JAK2: variants seen among roughly 807,000 people sequenced by gnomAD.
The protein encoded by JAK2 is Janus kinase 2.
In JAK2, 86 loss-of-function variants were observed where a neutral mutation model predicts 139.3. That is an observed-to-expected ratio of 0.62 (90% confidence interval 0.52 to 0.74). The LOEUF is 0.74. Ranked by LOEUF, JAK2 falls within the 30% of genes least tolerant of loss-of-function variation. JAK2 has a pLI of 0.00. For synonymous variants in JAK2, 490 were observed against 437.7 expected (o/e 1.12, Z -1.49); for missense variants, 1,421 against 1,360.3 (o/e 1.04, Z -0.70).
At chr9:4,991,119 G>T (rs1405252369) in intron 2 of JAK2, among the ~76,000 whole-genome samples, 1 of 152,136 alleles carries the variant, frequency 6.6e-6, no homozygotes, top group East Asian at 1.9e-4. Context: ...GTTTCTAAAA[G>T]GAAGGAGAAA....
At chr9:5,045,656 G>A (rs1816956889) in intron 5 of JAK2, among the ~76,000 whole-genome samples, 1 of 152,020 alleles carries the variant, frequency 6.6e-6, no homozygotes, top group Non-Finnish European at 1.5e-5. Context: ...CATACAAATG[G>A]AGTTATATAG....
chr9:5,029,759 T>C, intron 3 of JAK2, 24 bp from the exon 4 acceptor site: 1 of 1,593,166 alleles, frequency 6.3e-7, no homozygotes, highest in East Asian at 2.2e-5. Context: ...CCTTTAATAA[T>C]TCCTTTCTCT....
intron 4 of JAK2, among the ~76,000 whole-genome samples, chr9:5,035,582 T>G (rs1353121883): frequency 1.3e-5 from 2 of 152,236 alleles, no homozygotes; most frequent in African/African-American, 4.8e-5. Context: ...GTTCAACATA[T>G]GCAAATCAAT....
chr9:5,115,591 A>G (rs140197847), intron 22 of JAK2, among the ~76,000 whole-genome samples: 25,718 of 151,908 alleles, frequency 0.17, 2,490 homozygotes, highest in Admixed American at 0.23. Context: ...AAATCATTCT[A>G]CTATAAAGAC....
rs1412849130 is a variant in JAK2, at chr9:5,129,524, A to T, written c.*2733A>T. 6.6e-6 allele frequency among the ~76,000 whole-genome samples: 1 copy of T among 152,134 alleles called. No homozygotes were observed. Among genetic ancestry groups the T allele is most frequent in the South Asian group, 2.1e-4 (1 of 4,836 alleles). ...ATGAAAGTTTCTCTAATTTGGGGGCATAATGTACTAAGAATCAGTTTGCTG... is the reference window on the plus strand; with the variant it reads ...ATGAAAGTTTCTCTAATTTGGGGGCTTAATGTACTAAGAATCAGTTTGCTG... On this transcript the variant is annotated 3_prime_UTR_variant, in exon 25 of 25. Transcript: ENST00000381652.
intron 19 of JAK2, chr9:5,085,807 C>T (rs1820051178): frequency 1.8e-5 from 14 of 757,866 alleles, no homozygotes; most frequent in Admixed American, 1.0e-4. Flanking sequence ...GCCATTAGTA[C>T]CACAATAATT....
At chr9:5,105,241 C>T (rs1371842798) in intron 22 of JAK2, among the ~76,000 whole-genome samples, 1 of 152,172 alleles carries the variant, frequency 6.6e-6, no homozygotes, top group Non-Finnish European at 1.5e-5. Flanking sequence ...GTGCAAAAAT[C>T]ACAAGCATTC....
At chr9:5,055,338 T>C (rs1290478300) in intron 7 of JAK2, among the ~76,000 whole-genome samples, 1 of 152,020 alleles carries the variant, frequency 6.6e-6, no homozygotes. Context: ...TTACTAGAGA[T>C]TTAGAGGGAT....
At chr9:5,031,804 G>C (rs866961411) in intron 4 of JAK2, among the ~76,000 whole-genome samples, 1 of 152,340 alleles carries the variant, frequency 6.6e-6, no homozygotes, top group African/African-American at 2.4e-5. Flanking sequence ...AATAGGAACA[G>C]GTCCAGTCTA....
intron 22 of JAK2, 176 bp downstream of exon 22, chr9:5,091,087 G>C: frequency 2.0e-6 from 1 of 488,402 alleles, no homozygotes. Context: ...TAGTCCACGT[G>C]GGAAAATGGC....
intron 16 of JAK2, among the ~76,000 whole-genome samples, chr9:5,079,881 C>G (rs1446899150): frequency 1.3e-5 from 2 of 151,794 alleles, no homozygotes; most frequent in East Asian, 3.9e-4. Context: ...AAATGGTATG[C>G]CAGTTGAGAC....
At chr9:5,085,188 C>T (rs779045677) in intron 19 of JAK2, 6 of 657,708 alleles carry the variant, frequency 9.1e-6, no homozygotes, top group Non-Finnish European at 1.8e-5. Flanking sequence ...TGAACCATCT[C>T]ATGATCATAG....
intron 11 of JAK2, 146 bp from the exon 12 acceptor site, chr9:5,069,779 A>G (rs555013160): frequency 2.7e-5 from 11 of 415,002 alleles, no homozygotes; most frequent in Admixed American, 2.2e-4. Flanking sequence ...GTTGACCCCT[A>G]AAATAATTTT....
intron 2 of JAK2, among the ~76,000 whole-genome samples, chr9:5,010,793 A>G (rs982265430): frequency 6.6e-6 from 1 of 152,086 alleles, no homozygotes; most frequent in African/African-American, 2.4e-5. Flanking sequence ...TTTGTTGGTG[A>G]TGTACTCTCT....
chr9:5,038,500 A>G (rs1399541574), intron 4 of JAK2, among the ~76,000 whole-genome samples: 2 of 152,202 alleles, frequency 1.3e-5, no homozygotes, highest in Non-Finnish European at 2.9e-5. Flanking sequence ...TGTTGTAGGT[A>G]GAAAATCAAC....
chr9:5,088,191 A>G (rs1012589063), intron 19 of JAK2, among the ~76,000 whole-genome samples: 1 of 152,172 alleles, frequency 6.6e-6, no homozygotes, highest in Non-Finnish European at 1.5e-5. Flanking sequence ...TTGTGGATCA[A>G]TATTCTAGTT....
At chr9:5,077,044 A>G (rs1819353365) in intron 14 of JAK2, among the ~76,000 whole-genome samples, 2 of 151,986 alleles carry the variant, frequency 1.3e-5, no homozygotes, top group South Asian at 4.1e-4. Flanking sequence ...CTTTATGTCT[A>G]TAGTACTATA....
intron 2 of JAK2, among the ~76,000 whole-genome samples, chr9:4,989,656 G>C (rs947258226): frequency 6.6e-6 from 1 of 152,154 alleles, no homozygotes; most frequent in Non-Finnish European, 1.5e-5. Context: ...GGGCAGATAA[G>C]CTAAATAATA....
intron 23 of JAK2, among the ~76,000 whole-genome samples, chr9:5,123,831 CATTTT>C (rs1698414534): frequency 6.6e-6 from 1 of 151,438 alleles, no homozygotes; most frequent in Non-Finnish European, 1.5e-5. Context: ...TTCTCTCTCT[CATTTT>C]TTTTTCCATT....
Sources: allele counts gnomAD v4.1 joint callset (sites outside exome capture counted in the v4.1 genomes callset), GRCh38; gene constraint gnomAD v4.1.1; transcripts MANE v1.5; gene names NCBI Gene and HGNC (gene_info 2026-07-23, HGNC 2026-07-21).